Variants in CSMD1 observed in about 807,000 individuals in gnomAD.
CSMD1 encodes the protein CUB and Sushi multiple domains 1, also known as CUB and sushi domain-containing protein 1.
In CSMD1, 213 loss-of-function variants were observed where a neutral mutation model predicts 417.5. The ratio of observed to expected loss-of-function variants is 0.51; its 90% CI spans 0.46 to 0.57. CSMD1 has a LOEUF of 0.57. Among genes scored for constraint, CSMD1 ranks in the 20% least tolerant of loss-of-function variants. The pLI, the probability that CSMD1 is intolerant of heterozygous loss-of-function variation, is 0.00. For synonymous variants in CSMD1, 2,862 were observed against 1,736.8 expected (o/e 1.65, Z -16.11); for missense variants, 6,923 against 4,529.7 (o/e 1.53, Z -15.17).
chr8:3,497,401 CATTT>C (rs56294605), intron 10 of CSMD1, among the ~76,000 whole-genome samples: 56 of 151,576 alleles, frequency 3.7e-4, no homozygotes, highest in Non-Finnish European at 4.4e-4. Flanking sequence ...TTTCACTTTC[CATTT>C]ATTTATTTAT....
At chr8:4,535,912 G>C (rs1797079329) in intron 2 of CSMD1, among the ~76,000 whole-genome samples, 1 of 152,064 alleles carries the variant, frequency 6.6e-6, no homozygotes, top group East Asian at 1.9e-4. Context: ...ACTCTTTGTT[G>C]TTGATGTTTA....
intron 1 of CSMD1, among the ~76,000 whole-genome samples, chr8:4,926,397 G>C (rs935634237): frequency 3.9e-5 from 6 of 152,166 alleles, no homozygotes; most frequent in Admixed American, 3.3e-4. Context: ...GTATTTGTGA[G>C]ATCTACGCAT....
In CSMD1 at chr8:4,231,186, T is replaced by C. The variant is rs77521370; in HGVS notation, c.415+188767A>G. 3.0e-3 allele frequency among the ~76,000 whole-genome samples: 452 copies of C among 152,298 alleles called. 1 individual carries two copies. Among genetic ancestry groups the C allele is most frequent in the African/African-American group, 0.011 (437 of 41,574 alleles). On this transcript the variant is annotated intron_variant, in intron 3 of 69. Coordinates refer to ENST00000635120, the MANE Select transcript of CSMD1 (RefSeq NM_033225.6). ...GTGAAATGTTTAAAATACACATCAA[T>C]TGCGCATTGAGTCTAAATGAAAGGC...
chr8:3,937,662 C>G (rs1268325218), intron 5 of CSMD1, among the ~76,000 whole-genome samples: 1 of 152,148 alleles, frequency 6.6e-6, no homozygotes, highest in Non-Finnish European at 1.5e-5. Context: ...CTTGCAATAT[C>G]TCTGAAGTAC....
At chr8:4,161,340 C>T (rs531012786) in intron 3 of CSMD1, among the ~76,000 whole-genome samples, 18 of 152,288 alleles carry the variant, frequency 1.2e-4, no homozygotes, top group South Asian at 2.1e-4. Context: ...GCTAAAATCC[C>T]GGTCTCTTTG....
chr8:3,326,145 G>A (rs1311736959), intron 23 of CSMD1, among the ~76,000 whole-genome samples: 2 of 152,144 alleles, frequency 1.3e-5, no homozygotes, highest in Non-Finnish European at 2.9e-5. Context: ...GGTTTCAGTG[G>A]GACGTTCGAC....
At chr8:3,921,857 G>A (rs1056195052) in intron 5 of CSMD1, among the ~76,000 whole-genome samples, 4 of 152,106 alleles carry the variant, frequency 2.6e-5, no homozygotes, top group Middle Eastern at 3.2e-3. Context: ...TGTATATGCT[G>A]CTGCTGTGGT....
chr8:3,632,150 G>C (rs531381850), intron 7 of CSMD1, among the ~76,000 whole-genome samples: 2 of 152,210 alleles, frequency 1.3e-5, no homozygotes, highest in Non-Finnish European at 1.5e-5. Context: ...CTAGAGAAAA[G>C]GGATTTATTT....
At chr8:4,068,067 G>A (rs529309237) in intron 3 of CSMD1, among the ~76,000 whole-genome samples, 52 of 152,080 alleles carry the variant, frequency 3.4e-4, no homozygotes, top group African/African-American at 1.3e-3. Context: ...GCGACAGAGG[G>A]AGACAACGTC....
chr8:3,719,716 G>A (rs1396522913), intron 6 of CSMD1, among the ~76,000 whole-genome samples: 3 of 152,140 alleles, frequency 2.0e-5, no homozygotes, highest in Non-Finnish European at 4.4e-5. Context: ...CCCCATACCA[G>A]CCACATATTA....
At chr8:4,341,224 G>A (rs1168018873) in intron 3 of CSMD1, among the ~76,000 whole-genome samples, 1 of 151,990 alleles carries the variant, frequency 6.6e-6, no homozygotes, top group African/African-American at 2.4e-5. Flanking sequence ...CATGGTACTA[G>A]CAATTACATA....
intron 5 of CSMD1, among the ~76,000 whole-genome samples, chr8:3,903,113 G>C (rs950763157): frequency 6.6e-6 from 1 of 152,158 alleles, no homozygotes; most frequent in Admixed American, 6.5e-5. Flanking sequence ...GCTAGGTGGA[G>C]ACCTTCTTAC....
At position 4,209,989 on chromosome 8, in the gene CSMD1, G is replaced by C. The variant is rs529312285; in HGVS notation, c.416-177890C>G. ...ACACTGGAGGAGGTGTCTTATGAAA[G>C]GCTGCTTCTGCCCCAGATCTGTTTT... On this transcript the variant is annotated intron_variant, in intron 3 of 69. Coordinates refer to ENST00000635120, the MANE Select transcript of CSMD1 (RefSeq NM_033225.6). Among the ~76,000 whole-genome samples the C allele has an allele frequency of 4.6e-5, 7 of 152,248 alleles. 1 individual carries two copies. In the East Asian group the frequency reaches 1.4e-3, roughly 29 times the overall value.
At chr8:3,160,947 A>AC (rs1358041637) in intron 38 of CSMD1, among the ~76,000 whole-genome samples, 4 of 152,202 alleles carry the variant, frequency 2.6e-5, no homozygotes, top group Non-Finnish European at 5.9e-5. Flanking sequence ...TGAATTCCAC[A>AC]CAGTGCTGTT....
chr8:2,996,019 T>A lies in CSMD1; in HGVS notation c.8377+1992A>T, dbSNP rs573925457. 3.9e-5 allele frequency among the ~76,000 whole-genome samples: 6 copies of A among 152,182 alleles called. No homozygotes were observed. In the East Asian group the frequency reaches 7.7e-4, roughly 20 times the overall value. On this transcript the variant is annotated intron_variant, in intron 54 of 69. Transcript: ENST00000635120. Reference sequence around the variant, plus strand: ...CTGGTTGGTCTAATACCCTCTAAGTTTGCAAGATTCTACCACTGGGTGAGA... The same window carrying A: ...CTGGTTGGTCTAATACCCTCTAAGTATGCAAGATTCTACCACTGGGTGAGA...
chr8:4,079,837 G>C (rs1002622846), intron 3 of CSMD1, among the ~76,000 whole-genome samples: 1 of 152,142 alleles, frequency 6.6e-6, no homozygotes, highest in Admixed American at 6.5e-5. Flanking sequence ...AGTAGCCAGG[G>C]ATAATGGAAT....
intron 5 of CSMD1, among the ~76,000 whole-genome samples, chr8:3,820,426 C>T (rs1333325010): frequency 6.6e-6 from 1 of 152,208 alleles, no homozygotes; most frequent in Admixed American, 6.5e-5. Context: ...TAGGCCTACA[C>T]AGGGTCAGGA....
rs1368277510 is a variant in CSMD1 at position 3,201,642 on chromosome 8, G to C, written c.5068C>G (p.Leu1690Val). ...TGAGACCCCGAGAGTGAGCTGAGAA[G>C]TCTGGCCTGTGCATGGGTTCCATCA... is the stretch of plus-strand genomic sequence containing the variant. ...LFDGTHAQARLLSSLSGSHSG... is the reference protein window; with the variant it reads ...LFDGTHAQARVLSSLSGSHSG... The change falls in exon 32 of 70, where the codon CTT becomes GTT. Residue 1690 changes from leucine to valine, a missense_variant. By Grantham distance (32) the Leu-to-Val change is conservative (BLOSUM62 1). Transcript: ENST00000635120. 1.2e-6 allele frequency: 2 copies of C among 1,605,236 alleles called. No homozygotes were observed. The highest frequency in any genetic ancestry group is 1.3e-5 in the African/African-American group (1 of 74,868).
chr8:4,408,687 G>A (rs182474025), intron 3 of CSMD1, among the ~76,000 whole-genome samples: 2 of 152,034 alleles, frequency 1.3e-5, no homozygotes, highest in African/African-American at 2.4e-5. Flanking sequence ...TTGAAACCAA[G>A]AATAAGCCCA....
Sources: gnomAD v4.1 joint callset for allele counts (sites outside exome capture counted in the v4.1 genomes callset) on GRCh38, gnomAD v4.1.1 for gene constraint, MANE v1.5 for transcripts, NCBI Gene and HGNC (gene_info 2026-07-23, HGNC 2026-07-21) for gene names.